Variants in ANKRD13B observed in about 807,000 individuals in gnomAD.
ANKRD13B encodes ankyrin repeat domain-containing protein 13B.
Under a neutral mutation model 74.4 loss-of-function variants are expected in ANKRD13B, and 33 were observed. The ratio of observed to expected loss-of-function variants is 0.44; its 90% CI spans 0.34 to 0.59. The LOEUF is 0.59. Ranked by LOEUF, ANKRD13B falls within the 20% of genes least tolerant of loss-of-function variation. The pLI, the probability that ANKRD13B is intolerant of heterozygous loss-of-function variation, is 0.02. For missense variants in ANKRD13B, 676 were observed against 877.9 expected (o/e 0.77, Z 2.91); for synonymous variants, 341 against 362.9 (o/e 0.94, Z 0.68).
At chr17:29,606,040 T>G (rs896252618) in intron 1 of ANKRD13B, among the ~76,000 whole-genome samples, 3 of 151,702 alleles carry the variant, frequency 2.0e-5, no homozygotes, top group Admixed American at 1.3e-4. Context: ...AGCCTCCTGA[T>G]TAGCTGGGAT....
At chr17:29,610,900 A>C in intron 8 of ANKRD13B, 134 bp downstream of exon 8, 1 of 871,950 alleles carries the variant, frequency 1.1e-6, no homozygotes, top group South Asian at 1.8e-5. Flanking sequence ...GATAGATTTC[A>C]ATTCAGGTGC....
rs1411434894 is a variant in ANKRD13B at position 29,613,831 on chromosome 17, A to T, written c.*249A>T. 1 of 548,276 alleles carries T rather than the reference A, an allele frequency of 1.8e-6. No homozygotes were observed. The highest frequency in any genetic ancestry group is 2.0e-5 in the African/African-American group (1 of 49,948). 34.0% of individuals were successfully genotyped at this position (548,276 alleles called of 1,614,324 possible). ...TGCTTTGCTGTATTCTGATTCCCCAACCCGCTCCCCTGGGCTCAGATCTGT... is the reference window on the plus strand; with the variant it reads ...TGCTTTGCTGTATTCTGATTCCCCATCCCGCTCCCCTGGGCTCAGATCTGT... On this transcript the variant is annotated 3_prime_UTR_variant, in exon 15 of 15. Transcript: ENST00000394859.
At chr17:29,597,328 G>A (rs1368081576) in intron 1 of ANKRD13B, among the ~76,000 whole-genome samples, 1 of 152,198 alleles carries the variant, frequency 6.6e-6, no homozygotes, top group Non-Finnish European at 1.5e-5. Context: ...CTCCTGCAGG[G>A]CCAGAAGGCA....
chr17:29,606,587 A>T (rs1162912553), intron 1 of ANKRD13B, among the ~76,000 whole-genome samples: 2 of 151,398 alleles, frequency 1.3e-5, no homozygotes, highest in African/African-American at 4.9e-5. Flanking sequence ...AAACAAACAA[A>T]ACTTACGTTT....
intron 1 of ANKRD13B, among the ~76,000 whole-genome samples, chr17:29,606,201 G>A (rs187490023): frequency 1.8e-3 from 267 of 151,096 alleles, no homozygotes; most frequent in African/African-American, 6.0e-3. Flanking sequence ...GTGAGCTACC[G>A]CGCCTGGCCT....
rs2034551173 is a variant in ANKRD13B at position 29,610,678 on chromosome 17, T to C, written c.823-7T>C. 6.2e-7 allele frequency: 1 copy of C among 1,613,568 alleles called. No individual in the cohort carries two copies. The highest frequency in any genetic ancestry group is 1.1e-5 in the South Asian group (1 of 91,020). On this transcript the variant is annotated splice_polypyrimidine_tract_variant and splice_region_variant and intron_variant, in intron 7 of 14. Coordinates refer to ENST00000394859, the MANE Select transcript of ANKRD13B (RefSeq NM_152345.5). ...TGCTTATGAGCCCTTTCTTCATCTG[T>C]CCCCAGGTGTATGGGGCATCTAACG...
At chr17:29,593,895 A>ATCGGAGCGGGCCCGGCCCGC in intron 1 of ANKRD13B, 160 bp downstream of exon 1, 1 of 315,506 alleles carries the variant, frequency 3.2e-6, no homozygotes. Context: ...GGAAAGGGTG[A>ATCGGAGCGGGCCCGGCCCGC]TCCCCTCCGG....
At position 29,605,238 on chromosome 17, in the gene ANKRD13B, C is replaced by G. The variant is rs956236002; in HGVS notation, c.115-2504C>G. Among the ~76,000 whole-genome samples, 4 of 152,126 alleles carry G rather than the reference C, an allele frequency of 2.6e-5. No individual in the cohort carries two copies. The East Asian group carries it at 7.7e-4, about 29-fold the overall frequency. ...GGAAGAGCACCATGCTCTGCTCGGGCTTCCCCTCCTTGAATTACAGTCTGG... is the reference window on the plus strand; with the variant it reads ...GGAAGAGCACCATGCTCTGCTCGGGGTTCCCCTCCTTGAATTACAGTCTGG... On this transcript the variant is annotated intron_variant, in intron 1 of 14. Coordinates refer to ENST00000394859, the MANE Select transcript of ANKRD13B (RefSeq NM_152345.5).
intron 1 of ANKRD13B, among the ~76,000 whole-genome samples, chr17:29,601,903 C>A (rs1319591976): frequency 6.6e-6 from 1 of 152,182 alleles, no homozygotes; most frequent in Admixed American, 6.5e-5. Context: ...ATCTGTTCTT[C>A]CATACATAAT....
Position 29,609,008 on chromosome 17 carries a change from G to A in ANKRD13B, c.565+14G>A, listed in dbSNP as rs199706963. 238 of 1,614,030 alleles carry A rather than the reference G, an allele frequency of 1.5e-4. 2 individuals carry two copies. The African/African-American group carries it at 2.9e-3, about 19-fold the overall frequency. On this transcript the variant is annotated intron_variant, in intron 5 of 14. Coordinates refer to ENST00000394859, the MANE Select transcript of ANKRD13B (RefSeq NM_152345.5). The surrounding 1 kb of genome is among the most constrained non-coding windows in gnomAD (Gnocchi z 4.0). ...TCAGGGGCCAAGGTCAGGCAGGCAG[G>A]AAGTGGGGCAGGGTGGGGACGATGG...
At chr17:29,597,030 C>A (rs1024551081) in intron 1 of ANKRD13B, among the ~76,000 whole-genome samples, 6 of 152,204 alleles carry the variant, frequency 3.9e-5, no homozygotes, top group Admixed American at 1.3e-4. Flanking sequence ...CCCCTGCACC[C>A]CACGCTGGGC....
intron 1 of ANKRD13B, among the ~76,000 whole-genome samples, chr17:29,606,451 A>G (rs1032592941): frequency 7.3e-5 from 11 of 151,708 alleles, no homozygotes; most frequent in Non-Finnish European, 1.3e-4. Context: ...CCAGCTACTC[A>G]GAAGGCTGAG....
Position 29,593,671 on chromosome 17 carries a change from C to T in ANKRD13B, c.50C>T (p.Pro17Leu), listed in dbSNP as rs199786495. ...SARKGPEGKY[P>L]LHYLVWHNRH... is the part of the protein sequence containing the mutation. ...AGGAAGGGGCCCGAGGGCAAGTATC[C>T]GCTGCACTACCTCGTGTGGCACAAC... is the stretch of plus-strand genomic sequence containing the variant. The change falls in exon 1 of 15, where the codon CCG (proline) becomes CTG (leucine). Residue 17 changes from proline to leucine, a missense_variant. Around this residue, in one of 4 missense-constraint regions of ANKRD13B, gnomAD observed 88 missense variants for 87.8 expected, o/e 1.00. Transcript: ENST00000394859. 7.8e-5 allele frequency: 113 copies of T among 1,440,938 alleles called. No individual in the cohort carries two copies. The highest frequency in any genetic ancestry group is 9.7e-5 in the Non-Finnish European group (105 of 1,087,790). 89.3% of individuals were successfully genotyped at this position (1,440,938 alleles called of 1,614,324 possible).
At chr17:29,600,175 C>T (rs958340528) in intron 1 of ANKRD13B, among the ~76,000 whole-genome samples, 1 of 152,246 alleles carries the variant, frequency 6.6e-6, no homozygotes, top group African/African-American at 2.4e-5. Flanking sequence ...TGCACCCAGC[C>T]GTCTTAGCAT....
rs1598620489 is a variant in ANKRD13B, at chr17:29,612,988, AATCCTCCGGAGAGG to A, written c.1652+31_1652+44del. 1 of 1,588,554 alleles carries A rather than the reference AATCCTCCGGAGAGG, an allele frequency of 6.3e-7. No homozygotes were observed. ...GGTCAGTGCCCGCTGGGCCGGAGAGAATCCTCCGGAGAGGATCCTGTCTCCCCTAAGCCAGGACA... is the reference window on the plus strand; with the variant it reads ...GGTCAGTGCCCGCTGGGCCGGAGAGAATCCTGTCTCCCCTAAGCCAGGACA... On this transcript the variant is annotated intron_variant, in intron 14 of 14. Transcript: ENST00000394859. The surrounding 1 kb of genome is among the most constrained non-coding windows in gnomAD (Gnocchi z 6.1).
rs59887630 is a variant in ANKRD13B, at chr17:29,611,104, GACCTTGCC to G, written c.904+341_904+348del. ...ACATATCCTAGGTAGAAAGTCAGGG[GACCTTGCC>G]ACAGATTCTGTATGCCCATTGATGC... On this transcript the variant is annotated intron_variant, in intron 8 of 14. Coordinates refer to ENST00000394859, the MANE Select transcript of ANKRD13B (RefSeq NM_152345.5). This position sits in a 1 kb window ranked among gnomAD's most constrained non-coding sequence, Gnocchi z 4.3. Among the ~76,000 whole-genome samples, 1,785 of 152,312 alleles carry G rather than the reference GACCTTGCC, an allele frequency of 0.012. 38 individuals carry two copies. The highest frequency in any genetic ancestry group is 0.038 in the African/African-American group (1,595 of 41,562).
chr17:29,596,237 A>C (rs1239959612), intron 1 of ANKRD13B, among the ~76,000 whole-genome samples: 2 of 152,246 alleles, frequency 1.3e-5, no homozygotes, highest in Admixed American at 1.3e-4. Flanking sequence ...GAGCAGGTTA[A>C]TGGGCTTTGC....
At chr17:29,600,112 G>A (rs570695700) in intron 1 of ANKRD13B, among the ~76,000 whole-genome samples, 2 of 152,112 alleles carry the variant, frequency 1.3e-5, no homozygotes, top group African/African-American at 2.4e-5. Flanking sequence ...TCCTGACCTC[G>A]TGATCCGCCC....
In ANKRD13B at chr17:29,613,966, C is replaced by T. The variant is rs1306977279; in HGVS notation, c.*384C>T. 3 of 210,688 alleles carry T rather than the reference C, an allele frequency of 1.4e-5. No individual in the cohort carries two copies. Among genetic ancestry groups the T allele is most frequent in the African/African-American group, 2.3e-5 (1 of 43,506 alleles). 13.1% of individuals were successfully genotyped at this position (210,688 alleles called of 1,614,324 possible). On this transcript the variant is annotated 3_prime_UTR_variant, in exon 15 of 15. Coordinates refer to ENST00000394859, the MANE Select transcript of ANKRD13B (RefSeq NM_152345.5). The stretch of plus-strand genomic sequence containing the variant: ...CGGTCCGCATTTCTGTTCACTAACC[C>T]CACTCCAGGACACTGCCCCTGAAGC...
Sources: gnomAD v4.1 joint callset for allele counts (sites outside exome capture counted in the v4.1 genomes callset) on GRCh38, gnomAD v4.1.1 for gene constraint, gnomAD v4.1.1 regional missense constraint, Gnocchi (gnomAD v3.1) non-coding constraint, MANE v1.5 for transcripts, NCBI Gene and HGNC (gene_info 2026-07-23, HGNC 2026-07-21) for gene names.